IQCJ: variants seen among roughly 807,000 people sequenced by gnomAD.
The protein encoded by IQCJ is IQ domain-containing protein J.
Under a neutral mutation model 11.0 loss-of-function variants are expected in IQCJ, and 9 were observed. The ratio of observed to expected loss-of-function variants is 0.82; its 90% confidence interval spans 0.49 to 1.43. The LOEUF is 1.43. Among genes scored for constraint, IQCJ ranks in the 40% most tolerant of loss-of-function variants. The pLI is 0.00. For synonymous variants in IQCJ, 55 were observed against 51.3 expected (o/e 1.07, Z -0.31); for missense variants, 146 against 133.2 (o/e 1.10, Z -0.47).
At chr3:159,265,078 A>C, downstream of IQCJ, 1 of 609,172 alleles carries the variant, frequency 1.6e-6, no homozygotes, top group South Asian at 2.8e-5. Context: ...ATATGAAAAT[A>C]TAAGATGTTG....
chr3:159,145,805 C>T (rs1720897289), intron 1 of IQCJ, among the ~76,000 whole-genome samples: 1 of 152,080 alleles, frequency 6.6e-6, no homozygotes, highest in African/African-American at 2.4e-5. Flanking sequence ...GGGCATTAAA[C>T]ATGCAAGAAA....
At chr3:159,125,078 T>C (rs1020875668) in intron 1 of IQCJ, among the ~76,000 whole-genome samples, 1 of 152,044 alleles carries the variant, frequency 6.6e-6, no homozygotes, top group Non-Finnish European at 1.5e-5. Context: ...GGGGGAAAAA[T>C]AGTAATTTGA....
intron 1 of IQCJ, among the ~76,000 whole-genome samples, chr3:159,123,978 A>G (rs1224895826): frequency 6.6e-6 from 1 of 152,092 alleles, no homozygotes; most frequent in Non-Finnish European, 1.5e-5. Context: ...TCACTGCCTA[A>G]CCTCAACCTC....
chr3:159,183,234 A>T (rs1723195070), intron 1 of IQCJ, among the ~76,000 whole-genome samples: 2 of 152,200 alleles, frequency 1.3e-5, no homozygotes, highest in Admixed American at 1.3e-4. Flanking sequence ...TTTCTATTGC[A>T]TATGTCTCAT....
intron 1 of IQCJ, among the ~76,000 whole-genome samples, chr3:159,124,940 G>A (rs551828732): frequency 6.6e-5 from 10 of 152,086 alleles, no homozygotes; most frequent in Admixed American, 3.3e-4. Context: ...CAACATACTC[G>A]CAAGGTACAT....
chr3:159,220,801 A>G (rs1166860023), intron 1 of IQCJ, among the ~76,000 whole-genome samples: 3 of 152,166 alleles, frequency 2.0e-5, no homozygotes, highest in African/African-American at 7.2e-5. Flanking sequence ...CCTAGCCACT[A>G]ACTATGGGCT....
chr3:159,079,119 T>A (rs1716139928), intron 1 of IQCJ, among the ~76,000 whole-genome samples: 1 of 152,086 alleles, frequency 6.6e-6, no homozygotes, highest in South Asian at 2.1e-4. Flanking sequence ...GAAGGATTCT[T>A]CCCTGGAAAC....
chr3:159,084,768 A>G (rs911405727), intron 1 of IQCJ, among the ~76,000 whole-genome samples: 24 of 152,126 alleles, frequency 1.6e-4, no homozygotes, highest in African/African-American at 5.3e-4. Flanking sequence ...AGAAACTAGA[A>G]AAACTCATGA....
chr3:159,156,415 G>A (rs976228377), intron 1 of IQCJ, among the ~76,000 whole-genome samples: 11 of 152,208 alleles, frequency 7.2e-5, no homozygotes, highest in African/African-American at 2.2e-4. Flanking sequence ...AGGCACATGG[G>A]CCTTCTGGGT....
intron 1 of IQCJ, among the ~76,000 whole-genome samples, chr3:159,144,972 ATCTGAGTGATCATATTCT>A (rs1275910813): frequency 5.3e-5 from 8 of 152,214 alleles, no homozygotes; most frequent in Non-Finnish European, 1.0e-4. Flanking sequence ...GAAAGCAAGC[ATCTGAGTGATCATATTCT>A]TCTTTTTCCT....
At chr3:159,219,406 A>G (rs1419483903) in intron 1 of IQCJ, among the ~76,000 whole-genome samples, 1 of 152,160 alleles carries the variant, frequency 6.6e-6, no homozygotes, top group East Asian at 1.9e-4. Context: ...ATTCTATGAC[A>G]CATAAAAGTT....
In IQCJ at chr3:159,091,663, CACACACGCAT is replaced by C. The variant is rs1242392156; in HGVS notation, c.9+22223_9+22232del. 2.0e-3 allele frequency among the ~76,000 whole-genome samples: 105 copies of C among 51,718 alleles called. 3 individuals are homozygous for C. The highest frequency in any genetic ancestry group is 6.3e-3 in the African/African-American group (92 of 14,536). 33.9% of individuals were successfully genotyped at this position (51,718 alleles called of 152,430 possible). A position where few individuals can be genotyped will look rare whatever the true frequency, so the allele number is the denominator to read the frequency against. ...AGGGGTATTTACACACACACACACA[CACACACGCAT>C]GCACACACACACACACACACACACA... On this transcript the variant is annotated intron_variant, in intron 1 of 3. Coordinates refer to ENST00000397832, the MANE Select transcript of IQCJ (RefSeq NM_001042706.3).
At chr3:159,116,150 C>A (rs2108129762) in intron 1 of IQCJ, among the ~76,000 whole-genome samples, 1 of 152,114 alleles carries the variant, frequency 6.6e-6, no homozygotes, top group Admixed American at 6.6e-5. Flanking sequence ...TTGGAGGAAC[C>A]CTTGAGCCTG....
chr3:159,085,602 T>C (rs578195313), intron 1 of IQCJ, among the ~76,000 whole-genome samples: 2,166 of 147,086 alleles, frequency 0.015, 58 homozygotes, highest in African/African-American at 0.052. Flanking sequence ...TTTTTAATGA[T>C]TGCCATTCTA....
intron 1 of IQCJ, among the ~76,000 whole-genome samples, chr3:159,195,074 G>A (rs1221968427): frequency 1.3e-5 from 2 of 151,308 alleles, no homozygotes; most frequent in Non-Finnish European, 2.9e-5. Flanking sequence ...TTGCGCCATT[G>A]CACTCTAGCC....
chr3:159,173,280 GT>G (rs1722597130), intron 1 of IQCJ, among the ~76,000 whole-genome samples: 1 of 152,112 alleles, frequency 6.6e-6, no homozygotes, highest in South Asian at 2.1e-4. Context: ...CATTTTTATA[GT>G]TTATTTTCTA....
rs9852275 is a variant in IQCJ, at chr3:159,136,636, C to T, written c.9+67195C>T. ...TGATGATGGCCCACTTCCCTGACAG[C>T]GGGGTTCTCACTGGTGGAAGGAGCG... On this transcript the variant is annotated intron_variant, in intron 1 of 3. Coordinates refer to ENST00000397832, the MANE Select transcript of IQCJ (RefSeq NM_001042706.3). Among the ~76,000 whole-genome samples the T allele has an allele frequency of 5.3e-3, 811 of 152,254 alleles. 7 individuals are homozygous for T. Among genetic ancestry groups the T allele is most frequent in the African/African-American group, 0.017 (718 of 41,556 alleles).
intron 1 of IQCJ, among the ~76,000 whole-genome samples, chr3:159,217,092 T>C (rs955720301): frequency 6.6e-6 from 1 of 152,162 alleles, no homozygotes; most frequent in Non-Finnish European, 1.5e-5. Context: ...TATCCCTGGC[T>C]GCACAGGTTG....
chr3:159,217,808 A>C (rs759882648), intron 1 of IQCJ, among the ~76,000 whole-genome samples: 1 of 152,034 alleles, frequency 6.6e-6, no homozygotes, highest in Non-Finnish European at 1.5e-5. Context: ...GCCTTACCTG[A>C]GTATCCTCCC....
Sources: allele counts gnomAD v4.1 joint callset (sites outside exome capture counted in the v4.1 genomes callset), GRCh38; gene constraint gnomAD v4.1.1; transcripts MANE v1.5; gene names NCBI Gene and HGNC (gene_info 2026-07-23, HGNC 2026-07-21).